Variants in FGF13 observed in about 807,000 individuals in gnomAD.
The protein encoded by FGF13 is fibroblast growth factor homologous factor 2.
In FGF13, 2 loss-of-function variants were observed where a neutral mutation model predicts 19.5. That is an observed-to-expected ratio of 0.10 (90% confidence interval 0.04 to 0.32). The LOEUF (loss-of-function observed/expected upper bound fraction) is 0.32, where lower values mean the gene tolerates loss of function less well. FGF13 is among the 10% of genes least tolerant of loss of function. The pLI is 1.00. For missense variants in FGF13, 113 were observed against 192.7 expected (o/e 0.59, Z 2.45); for synonymous variants, 72 against 76.9 (o/e 0.94, Z 0.33).
chrX:138,802,107 C>T (rs760704833), intron 3 of FGF13, among the ~76,000 whole-genome samples: 1 of 112,040 alleles, frequency 8.9e-6, no homozygotes, highest in African/African-American at 3.2e-5. Context: ...TCTTTTCTCT[C>T]TTGCTGGGTT....
Position 138,635,562 on chromosome X carries a change from C to G in FGF13, c.496G>C (p.Gly166Arg), listed in dbSNP as rs2089173826. Residue 166 changes from glycine to arginine, a missense_variant, in exon 4 of 5, where the codon GGC becomes CGC. By Grantham distance (125) the Gly-to-Arg change is moderately radical (BLOSUM62 -2). Around this residue, in one of 4 missense-constraint regions of FGF13, gnomAD observed 14 missense variants for 44.7 expected, o/e 0.31. Transcript: ENST00000315930. ...TTCAGACCCAGATACCACCCTCGGC[C>G]TGACTGCTGCTGACGGTATATCATT... Reference protein sequence around the residue: ...SSMIYRQQQSGRGWYLGLNKE... With the variant: ...SSMIYRQQQSRRGWYLGLNKE... 1 of 1,206,617 alleles carries G rather than the reference C, an allele frequency of 8.3e-7. No individual in the cohort carries two copies. Among genetic ancestry groups the G allele is most frequent in the Non-Finnish European group, 1.1e-6 (1 of 892,546 alleles).
At chrX:138,857,021 G>C (rs1033798229), downstream of FGF13, among the ~76,000 whole-genome samples, 8 of 112,043 alleles carry the variant, frequency 7.1e-5, no homozygotes, top group Non-Finnish European at 1.3e-4. Context: ...GCATTATACA[G>C]GTAATCTGGG....
chrX:138,763,804 G>C (rs1174727517), intron 3 of FGF13, among the ~76,000 whole-genome samples: 1 of 111,223 alleles, frequency 9.0e-6, no homozygotes, highest in Non-Finnish European at 1.9e-5. Context: ...TACATCTTCA[G>C]CAATGGGACA....
chrX:138,865,736 T>C (rs2091319587), intron 1 of FGF13, among the ~76,000 whole-genome samples: 1 of 111,399 alleles, frequency 9.0e-6, no homozygotes, highest in South Asian at 3.8e-4. Flanking sequence ...GTTCTCATTT[T>C]TAAAAATGAC....
intron 3 of FGF13, among the ~76,000 whole-genome samples, chrX:138,651,343 G>C (rs2089370170): frequency 8.9e-6 from 1 of 112,332 alleles, no homozygotes; most frequent in Non-Finnish European, 1.9e-5. Flanking sequence ...AAACAGCAGT[G>C]ACAGGAAGAC....
intron 1 of FGF13, among the ~76,000 whole-genome samples, chrX:138,983,623 T>G (rs2091973696): frequency 1.8e-5 from 2 of 109,148 alleles, no homozygotes; most frequent in Admixed American, 2.0e-4. Flanking sequence ...GTATTGAGGT[T>G]CCTTAGAAAA....
chrX:139,052,967 C>A (rs767759823), intron 1 of FGF13, among the ~76,000 whole-genome samples: 199 of 110,819 alleles, frequency 1.8e-3, no homozygotes, highest in Non-Finnish European at 2.8e-3. Context: ...AAGCTGTATA[C>A]ACTGCACACT....
At chrX:139,028,606 TGTGTGTGTGTGA>T (rs1186679127) in intron 1 of FGF13, among the ~76,000 whole-genome samples, 14 of 52,315 alleles carry the variant, frequency 2.7e-4, no homozygotes, top group East Asian at 7.1e-4. Flanking sequence ...TGTGTGTGTG[TGTGTGTGTGTGA>T]GAGAGAGAGA....
At chrX:139,204,062 T>C (rs899052249), upstream of FGF13, 4 of 1,208,968 alleles carry the variant, frequency 3.3e-6, no homozygotes, top group Non-Finnish European at 4.5e-6. Context: ...GGCTTACCCT[T>C]AGAAGCATCT....
intron 3 of FGF13, among the ~76,000 whole-genome samples, chrX:138,787,048 A>G (rs1023194128): frequency 8.9e-6 from 1 of 112,765 alleles, no homozygotes; most frequent in African/African-American, 3.2e-5. Flanking sequence ...CTATCTGCTC[A>G]CTTACTAGTT....
chrX:139,002,849 C>CCT (rs908267684), intron 1 of FGF13, among the ~76,000 whole-genome samples: 2 of 111,529 alleles, frequency 1.8e-5, no homozygotes, highest in Non-Finnish European at 1.9e-5. Flanking sequence ...ACTAAAGAGC[C>CCT]CTTGGGCCCT....
At chrX:139,178,850 C>T (rs1355614148) in intron 1 of FGF13, among the ~76,000 whole-genome samples, 1 of 111,717 alleles carries the variant, frequency 9.0e-6, no homozygotes, top group Non-Finnish European at 1.9e-5. Flanking sequence ...AGTTATCTTC[C>T]TACTTTATCT....
At chrX:138,679,567 G>A (rs778829285) in intron 3 of FGF13, among the ~76,000 whole-genome samples, 1 of 112,253 alleles carries the variant, frequency 8.9e-6, no homozygotes, top group African/African-American at 3.2e-5. Context: ...TGCTTTCCCA[G>A]TGCATTTAAA....
intron 1 of FGF13, among the ~76,000 whole-genome samples, chrX:139,004,376 G>A (rs892452146): frequency 1.5e-4 from 17 of 112,647 alleles, no homozygotes; most frequent in Non-Finnish European, 1.3e-4. Flanking sequence ...GGCAAGCGCC[G>A]CACGCAGCCC....
At chrX:139,202,529 T>C (rs914582096) in intron 1 of FGF13, among the ~76,000 whole-genome samples, 2 of 111,718 alleles carry the variant, frequency 1.8e-5, no homozygotes, top group Admixed American at 9.5e-5. Context: ...GGGGCAACAA[T>C]GACCCGTATG....
intron 1 of FGF13, among the ~76,000 whole-genome samples, chrX:138,906,261 C>T (rs1453278067): frequency 8.9e-6 from 1 of 111,951 alleles, no homozygotes; most frequent in East Asian, 2.8e-4. Flanking sequence ...ACAGTATGTA[C>T]CATGCAGAGT....
intron 1 of FGF13, among the ~76,000 whole-genome samples, chrX:138,910,137 G>C (rs1277916664): frequency 9.0e-6 from 1 of 110,655 alleles, no homozygotes; most frequent in Non-Finnish European, 1.9e-5. Context: ...AGGTCTTCCT[G>C]CATTTGGCTA....
chrX:139,134,515 G>C (rs940926685), intron 1 of FGF13, among the ~76,000 whole-genome samples: 2 of 110,586 alleles, frequency 1.8e-5, no homozygotes, highest in African/African-American at 6.6e-5. Flanking sequence ...CTTACACCCC[G>C]TCCCTTGCAT....
intron 3 of FGF13, among the ~76,000 whole-genome samples, chrX:138,701,099 C>T (rs757100003): frequency 8.9e-6 from 1 of 112,223 alleles, no homozygotes; most frequent in Non-Finnish European, 1.9e-5. Context: ...TTCCAAAGTA[C>T]GTTCTTCAAT....
Sources: allele counts gnomAD v4.1 joint callset (sites outside exome capture counted in the v4.1 genomes callset), GRCh38; gene constraint gnomAD v4.1.1; regional missense constraint gnomAD v4.1.1; transcripts MANE v1.5; gene names NCBI Gene and HGNC (gene_info 2026-07-23, HGNC 2026-07-21).